Variants in ATRN observed in about 807,000 individuals in gnomAD.
The protein encoded by ATRN is attractin, also known as attractin-2.
A neutral mutation model predicts 178.7 loss-of-function variants in ATRN; 54 were observed. The ratio of observed to expected loss-of-function variants is 0.30; its 90% CI spans 0.24 to 0.38. ATRN has a LOEUF of 0.38. Ranked by LOEUF, ATRN falls within the 10% of genes least tolerant of loss-of-function variation. ATRN has a pLI of 1.00. For synonymous variants in ATRN, 636 were observed against 663.0 expected (o/e 0.96, Z 0.63); for missense variants, 1,443 against 1,815.1 (o/e 0.79, Z 3.73).
At chr20:3,493,018 A>G (rs1258077714) in intron 1 of ATRN, among the ~76,000 whole-genome samples, 1 of 146,824 alleles carries the variant, frequency 6.8e-6, no homozygotes, top group Non-Finnish European at 1.5e-5. Context: ...ATAATTGTAT[A>G]TTATCTATAA....
intron 1 of ATRN, among the ~76,000 whole-genome samples, chr20:3,534,477 G>A (rs1600083605): frequency 6.6e-6 from 1 of 152,130 alleles, no homozygotes; most frequent in South Asian, 2.1e-4. Flanking sequence ...GCAGATGAGT[G>A]GAAGAGAGTG....
At position 3,584,086 on chromosome 20, in the gene ATRN, A is replaced by G. The variant is rs192708876; in HGVS notation, c.2950+3A>G. On this transcript the variant is annotated splice_donor_region_variant and intron_variant, in intron 17 of 28. Transcript: ENST00000262919. ...GTATACGATGAGCACCTGCCCCCGT[A>G]AGTGAAAAAGGGAGCCCTAGGCACT... 80 of 1,613,130 alleles carry G rather than the reference A, an allele frequency of 5.0e-5. 1 individual carries two copies. In the African/African-American group the frequency reaches 8.4e-4, roughly 17 times the overall value.
intron 1 of ATRN, among the ~76,000 whole-genome samples, chr20:3,501,272 G>A (rs1244227770): frequency 2.0e-5 from 3 of 152,136 alleles, no homozygotes; most frequent in Non-Finnish European, 4.4e-5. Context: ...AGTTGGAGAT[G>A]TCCGTATGAA....
In ATRN at chr20:3,639,019, C is replaced by A. The variant is rs950633324; in HGVS notation, c.4050+84C>A. ...TCTGGGAAACCAGAGAGAGCAAAAG[C>A]CCTATTCCATTACCTCCTTTTTTTC... On this transcript the variant is annotated intron_variant, in intron 27 of 28. Coordinates refer to ENST00000262919, the MANE Select transcript of ATRN (RefSeq NM_139321.3). The A allele has an allele frequency of 2.9e-6, 3 of 1,050,372 alleles. No individual in the cohort carries two copies. In the African/African-American group the frequency reaches 4.9e-5, roughly 17 times the overall value. 65.1% of individuals were successfully genotyped at this position (1,050,372 alleles called of 1,614,324 possible). A position where few individuals can be genotyped will look rare whatever the true frequency, so the allele number is the denominator to read the frequency against.
At chr20:3,495,626 A>G (rs1030038771) in intron 1 of ATRN, among the ~76,000 whole-genome samples, 10 of 152,292 alleles carry the variant, frequency 6.6e-5, no homozygotes, top group African/African-American at 2.4e-4. Context: ...ACAAAATTCA[A>G]TAGCAGTTCA....
chr20:3,571,130 A>G (rs945545009), intron 11 of ATRN, among the ~76,000 whole-genome samples: 3 of 152,166 alleles, frequency 2.0e-5, no homozygotes, highest in African/African-American at 7.2e-5. Context: ...ATATTTCATT[A>G]TGTGGATGTA....
intron 25 of ATRN, among the ~76,000 whole-genome samples, chr20:3,626,504 A>T (rs945437611): frequency 6.6e-6 from 1 of 152,148 alleles, no homozygotes. Flanking sequence ...TAGAGTATTG[A>T]TAATATTATC....
rs190549491 is a variant in ATRN, at chr20:3,512,542, A to G, written c.411-22711A>G. ...TTTGGGTTGGTTCCAAGTCTTTGCT[A>G]TTGTGAGTAGTGCCTCAATAAACAT... On this transcript the variant is annotated intron_variant, in intron 1 of 28. Coordinates refer to ENST00000262919, the MANE Select transcript of ATRN (RefSeq NM_139321.3). Among the ~76,000 whole-genome samples the G allele has an allele frequency of 4.6e-3, 705 of 152,236 alleles. 6 individuals are homozygous for G. The highest frequency in any genetic ancestry group is 0.016 in the African/African-American group (659 of 41,516).
At chr20:3,483,432 G>C (rs1555806923) in intron 1 of ATRN, among the ~76,000 whole-genome samples, 1 of 152,114 alleles carries the variant, frequency 6.6e-6, no homozygotes, top group Non-Finnish European at 1.5e-5. Flanking sequence ...CTGCAGCCCT[G>C]ACCTTCAGGG....
At chr20:3,580,688 T>C (rs1403010997) in intron 15 of ATRN, among the ~76,000 whole-genome samples, 1 of 151,946 alleles carries the variant, frequency 6.6e-6, no homozygotes, top group Non-Finnish European at 1.5e-5. Flanking sequence ...ATTAAGGGAG[T>C]GGCTCTTTGA....
rs374738119 is a variant in ATRN, at chr20:3,562,932, G to T, written c.1632-277G>T. Among the ~76,000 whole-genome samples the T allele has an allele frequency of 1.1e-3, 162 of 152,226 alleles. 1 individual carries two copies. Among genetic ancestry groups the T allele is most frequent in the Admixed American group, 1.8e-3 (27 of 15,296 alleles). On this transcript the variant is annotated intron_variant, in intron 9 of 28. Coordinates refer to ENST00000262919, the MANE Select transcript of ATRN (RefSeq NM_139321.3). Reference sequence around the variant, plus strand: ...AGAAACCATTATGCATTAAGCTTCTGTCAATATTTCACATGATTTCTGCCC... The same window carrying T: ...AGAAACCATTATGCATTAAGCTTCTTTCAATATTTCACATGATTTCTGCCC...
intron 1 of ATRN, among the ~76,000 whole-genome samples, chr20:3,520,364 T>C (rs1306478622): frequency 1.3e-5 from 2 of 152,156 alleles, no homozygotes; most frequent in African/African-American, 4.8e-5. Context: ...GTTTGACATC[T>C]TGTTTATAAA....
intron 2 of ATRN, among the ~76,000 whole-genome samples, chr20:3,535,567 C>G (rs1252710692): frequency 6.6e-6 from 1 of 150,444 alleles, no homozygotes; most frequent in Non-Finnish European, 1.5e-5. Context: ...GTATTTCCAA[C>G]TGTAATAGTT....
Position 3,540,251 on chromosome 20 carries a change from A to G in ATRN, c.524A>G (p.Asn175Ser), listed in dbSNP as rs1308480179. The G allele has an allele frequency of 6.2e-7, 1 of 1,603,382 alleles. No homozygotes were observed. Among genetic ancestry groups the G allele is most frequent in the Non-Finnish European group, 8.5e-7 (1 of 1,175,328 alleles). The part of the protein sequence containing the change: ...QPNRIMRLRF[N>S]HFATECSWDH... ...AATAGAATAATGAGACTTCGTTTCA[A>G]TCATTTTGCTACAGAGTGTAGTTGG... Residue 175 changes from asparagine to serine, a missense_variant, in exon 3 of 29, where the codon AAT becomes AGT. Physicochemically the swap from Asn to Ser is conservative, Grantham distance 46 (BLOSUM62 1). This residue lies in a region of ATRN where 862 missense variants were observed against 972.1 expected (regional missense o/e 0.89). Coordinates refer to ENST00000262919, the MANE Select transcript of ATRN (RefSeq NM_139321.3).
Position 3,638,162 on chromosome 20 carries a change from A to T in ATRN, c.3943-666A>T, listed in dbSNP as rs1354039335. Among the ~76,000 whole-genome samples the T allele has an allele frequency of 6.6e-6, 1 of 152,182 alleles. No homozygotes were observed. Among genetic ancestry groups the T allele is most frequent in the Non-Finnish European group, 1.5e-5 (1 of 68,042 alleles). ...TTAAGTTCTGGGATACATGTACAGAACATGTAGATTTGTTACATAGGTATA... is the reference window on the plus strand; with the variant it reads ...TTAAGTTCTGGGATACATGTACAGATCATGTAGATTTGTTACATAGGTATA... On this transcript the variant is annotated intron_variant, in intron 26 of 28. Coordinates refer to ENST00000262919, the MANE Select transcript of ATRN (RefSeq NM_139321.3). The surrounding 1 kb of genome is among the most constrained non-coding windows in gnomAD (Gnocchi z 4.5).
chr20:3,598,522 C>T (rs709016), intron 22 of ATRN, among the ~76,000 whole-genome samples: 14,099 of 152,140 alleles, frequency 0.093, 820 homozygotes, highest in African/African-American at 0.17. Context: ...AAGGCTTAGT[C>T]GGGTCCATTA....
intron 2 of ATRN, among the ~76,000 whole-genome samples, chr20:3,538,916 A>G (rs1014166856): frequency 2.0e-5 from 3 of 152,118 alleles, no homozygotes; most frequent in African/African-American, 4.8e-5. Context: ...TTTCTCCCTT[A>G]AGACTGTGCT....
intron 22 of ATRN, 86 bp downstream of exon 22, chr20:3,598,086 C>A: frequency 1.2e-6 from 1 of 832,174 alleles, no homozygotes. Context: ...ACTGCCTTAA[C>A]AGTGCTCTCC....
chr20:3,519,952 A>G (rs941725274), intron 1 of ATRN, among the ~76,000 whole-genome samples: 13 of 152,228 alleles, frequency 8.5e-5, no homozygotes, highest in African/African-American at 2.4e-4. Flanking sequence ...TTAAGGATCT[A>G]TATAAATTCA....
Sources: allele counts gnomAD v4.1 joint callset (sites outside exome capture counted in the v4.1 genomes callset), GRCh38; gene constraint gnomAD v4.1.1; regional missense constraint gnomAD v4.1.1; non-coding constraint Gnocchi (gnomAD v3.1); transcripts MANE v1.5; gene names NCBI Gene and HGNC (gene_info 2026-07-23, HGNC 2026-07-21).